The following CA10 variants were observed in gnomAD, a reference collection of about 807,000 sequenced individuals.
The protein encoded by CA10 is carbonic anhydrase-related protein 10.
A neutral mutation model predicts 44.2 loss-of-function variants in CA10; 14 were observed. That is an observed-to-expected ratio of 0.32 (90% CI 0.21 to 0.50). The LOEUF (loss-of-function observed/expected upper bound fraction) is 0.50, where lower values mean the gene tolerates loss of function less well. Among genes scored for constraint, CA10 ranks in the 20% least tolerant of loss-of-function variants. The pLI is 0.99. For missense variants in CA10, 350 were observed against 409.7 expected, an observed-to-expected ratio of 0.85 and a Z score of 1.26; for synonymous variants, 159 against 141.6, an observed-to-expected ratio of 1.12 and a Z score of -0.87.
chr17:51,755,590 G>A (rs1905051807), intron 3 of CA10, among the ~76,000 whole-genome samples: 1 of 152,206 alleles, frequency 6.6e-6, no homozygotes, highest in African/African-American at 2.4e-5. Context: ...TGGAGTAGCT[G>A]AGAGGAAATA....
intron 2 of CA10, among the ~76,000 whole-genome samples, chr17:51,949,186 A>G (rs916989504): frequency 2.0e-5 from 3 of 152,172 alleles, no homozygotes; most frequent in Admixed American, 6.5e-5. Context: ...TAACTATCAA[A>G]CAATTAAGAT....
chr17:51,916,063 C>T (rs537834116), intron 3 of CA10, among the ~76,000 whole-genome samples: 1 of 152,176 alleles, frequency 6.6e-6, no homozygotes, highest in South Asian at 2.1e-4. Context: ...AGCCTAAAAG[C>T]TCCCCTCTAT....
At chr17:51,831,733 A>AGCCGCCGCCGCCGCCGCCGC (rs1567854687) in intron 3 of CA10, among the ~76,000 whole-genome samples, 1 of 121,522 alleles carries the variant, frequency 8.2e-6, no homozygotes, top group African/African-American at 4.1e-5. Context: ...GCAGCAGCAG[A>AGCCGCCGCCGCCGCCGCCGC]AAAAGACCTT....
rs141186855 is a variant in CA10, at chr17:52,050,392, C to T, written c.136+21927G>A. Among the ~76,000 whole-genome samples, 731 of 152,166 alleles carry T rather than the reference C, an allele frequency of 4.8e-3. 4 individuals are homozygous for T. Among genetic ancestry groups the T allele is most frequent in the African/African-American group, 0.016 (676 of 41,524 alleles). The stretch of plus-strand genomic sequence containing the variant: ...TATTTCTCAAAAGCACTTCTGTAAT[C>T]GACATCTAAGCAGTTTCTCTAATTC... On this transcript the variant is annotated intron_variant, in intron 2 of 8. Coordinates refer to ENST00000451037, the MANE Select transcript of CA10 (RefSeq NM_020178.5).
chr17:51,834,398 C>T (rs1271662128), intron 3 of CA10, among the ~76,000 whole-genome samples: 1 of 152,202 alleles, frequency 6.6e-6, no homozygotes, highest in Non-Finnish European at 1.5e-5. Context: ...GACCTGCCTC[C>T]TTCCTCAGAT....
At position 51,649,210 on chromosome 17, in the gene CA10, T is replaced by C; in HGVS notation, c.606A>G (p.Arg202=). The C allele has an allele frequency of 3.1e-6, 5 of 1,613,438 alleles. No individual in the cohort carries two copies. The highest frequency in any genetic ancestry group is 4.2e-6 in the Non-Finnish European group (5 of 1,179,396). ...TATATGTTATTCTTGTGATAGTATC[T>C]CTGTTGAGCATTCGATTAAGAAATG... ...SNPFLNRMLN[R]DTITRITYKN... is the part of the protein sequence containing the mutation. The change falls in exon 6 of 9, where the codon AGA becomes AGG. Residue 202 remains arginine, a synonymous_variant. Transcript: ENST00000451037.
intron 2 of CA10, among the ~76,000 whole-genome samples, chr17:51,940,565 G>T (rs936770380): frequency 6.6e-6 from 1 of 151,958 alleles, no homozygotes; most frequent in African/African-American, 2.4e-5. Context: ...AGCCCTCAAG[G>T]GGAAATTTGC....
intron 4 of CA10, among the ~76,000 whole-genome samples, chr17:51,735,934 GGAAGGACTACA>G (rs1916891473): frequency 6.6e-6 from 1 of 151,860 alleles, no homozygotes; most frequent in African/African-American, 2.4e-5. Flanking sequence ...AGGGTAGGAG[GGAAGGACTACA>G]GAAGAACACA....
intron 2 of CA10, among the ~76,000 whole-genome samples, chr17:52,060,882 T>C (rs973239490): frequency 3.3e-5 from 5 of 152,192 alleles, no homozygotes; most frequent in African/African-American, 4.8e-5. Flanking sequence ...ATTTAGATAG[T>C]AACTTTATCT....
At chr17:51,729,091 C>T (rs1916624465) in intron 4 of CA10, among the ~76,000 whole-genome samples, 3 of 152,046 alleles carry the variant, frequency 2.0e-5, no homozygotes, top group African/African-American at 4.8e-5. Context: ...CAGTGACTCC[C>T]GTTCCACCAG....
chr17:51,734,043 C>CAT (rs138387828), intron 4 of CA10, among the ~76,000 whole-genome samples: 1 of 151,190 alleles, frequency 6.6e-6, no homozygotes, highest in Non-Finnish European at 1.5e-5. Context: ...TTCAATATTG[C>CAT]GACAAGAAAA....
At chr17:51,751,099 T>C (rs1904874822) in intron 3 of CA10, among the ~76,000 whole-genome samples, 1 of 152,090 alleles carries the variant, frequency 6.6e-6, no homozygotes, top group Non-Finnish European at 1.5e-5. Context: ...TCCATGAAAA[T>C]GGCAGACAAA....
intron 1 of CA10, among the ~76,000 whole-genome samples, chr17:52,138,949 G>A (rs921463317): frequency 9.2e-5 from 14 of 152,184 alleles, no homozygotes; most frequent in Non-Finnish European, 1.8e-4. Flanking sequence ...GGAGGCTGAC[G>A]GAGTGCTCCT....
chr17:51,632,102 T>C (rs969820391), intron 8 of CA10, among the ~76,000 whole-genome samples: 4 of 152,224 alleles, frequency 2.6e-5, no homozygotes, highest in Non-Finnish European at 4.4e-5. Context: ...CCATACCCAT[T>C]CATTTAGATA....
intron 4 of CA10, among the ~76,000 whole-genome samples, chr17:51,668,830 T>C (rs1294684360): frequency 6.6e-6 from 1 of 152,118 alleles, no homozygotes; most frequent in Non-Finnish European, 1.5e-5. Flanking sequence ...GCGCGAGTTC[T>C]GGGTGGGCGT....
intron 4 of CA10, among the ~76,000 whole-genome samples, chr17:51,695,475 A>G (rs1915370220): frequency 6.6e-6 from 1 of 152,096 alleles, no homozygotes. Flanking sequence ...CTCAGCTTGA[A>G]TGTTATCGGT....
intron 6 of CA10, among the ~76,000 whole-genome samples, chr17:51,647,503 C>G (rs999946632): frequency 2.6e-5 from 4 of 152,058 alleles, no homozygotes; most frequent in African/African-American, 9.7e-5. Context: ...TCTTGCTCCT[C>G]CCTTGGTGGC....
At chr17:51,970,727 A>T (rs1984252083) in intron 2 of CA10, among the ~76,000 whole-genome samples, 1 of 152,100 alleles carries the variant, frequency 6.6e-6, no homozygotes, top group Non-Finnish European at 1.5e-5. Flanking sequence ...CTATCCTGAA[A>T]ATATTGTGTT....
At chr17:52,011,960 TCTGTGAAGCCAAACAG>T (rs1412265590) in intron 2 of CA10, among the ~76,000 whole-genome samples, 1 of 151,974 alleles carries the variant, frequency 6.6e-6, no homozygotes, top group Admixed American at 6.6e-5. Context: ...GGCAGAATAG[TCTGTGAAGCCAAACAG>T]CAGTGAAGGT....
Sources: gnomAD v4.1 joint callset for allele counts (sites outside exome capture counted in the v4.1 genomes callset) on GRCh38, gnomAD v4.1.1 for gene constraint, MANE v1.5 for transcripts, NCBI Gene and HGNC (gene_info 2026-07-23, HGNC 2026-07-21) for gene names.